The following TENM3 variants were observed in gnomAD, a reference collection of about 807,000 sequenced individuals.
TENM3 encodes the protein teneurin transmembrane protein 3.
In TENM3, 63 loss-of-function variants were observed where a neutral mutation model predicts 255.1. The observed-to-expected ratio is 0.25, with a 90% confidence interval of 0.20 to 0.30. The LOEUF is 0.30. Among genes scored for constraint, TENM3 ranks in the 10% least tolerant of loss-of-function variants. TENM3 has a pLI of 1.00. For synonymous variants in TENM3, 1,306 were observed against 1,322.3 expected (o/e 0.99, Z 0.27); for missense variants, 2,929 against 3,461.1 (o/e 0.85, Z 3.86).
the TENM3 span, among the ~76,000 whole-genome samples, chr4:181,518,390 C>T: frequency 5.3e-5 from 8 of 151,656 alleles, no homozygotes; most frequent in South Asian, 2.1e-4. Context: ...TCTTAGGTTT[C>T]GATAGGACTT....
the TENM3 span, among the ~76,000 whole-genome samples, chr4:181,583,779 C>T: frequency 5.9e-5 from 9 of 152,214 alleles, no homozygotes; most frequent in African/African-American, 2.2e-4. Context: ...TTCAGACACA[C>T]ACAAACTCCT....
chr4:182,165,013 C>G (rs1428847067), intron 1 of TENM3, among the ~76,000 whole-genome samples: 4 of 152,186 alleles, frequency 2.6e-5, no homozygotes, highest in Non-Finnish European at 5.9e-5. Flanking sequence ...GCAGAGAACA[C>G]TAATGCCAGG....
At chr4:181,948,484 C>CA in the TENM3 span, among the ~76,000 whole-genome samples, 1 of 152,224 alleles carries the variant, frequency 6.6e-6, no homozygotes, top group Middle Eastern at 3.4e-3. Context: ...GGTGCGATCT[C>CA]ACCTCACTGC....
At chr4:182,737,901 A>G (rs1761296166) in intron 17 of TENM3, among the ~76,000 whole-genome samples, 1 of 152,098 alleles carries the variant, frequency 6.6e-6, no homozygotes, top group African/African-American at 2.4e-5. Flanking sequence ...TATTACTGCT[A>G]GTTTGTTTAT....
the TENM3 span, among the ~76,000 whole-genome samples, chr4:181,569,766 G>A: frequency 6.6e-6 from 1 of 152,146 alleles, no homozygotes; most frequent in Non-Finnish European, 1.5e-5. Context: ...GAGTCAGCTT[G>A]TATCTATGTT....
the TENM3 span, among the ~76,000 whole-genome samples, chr4:182,040,799 C>T: frequency 3.9e-5 from 6 of 152,114 alleles, no homozygotes; most frequent in Non-Finnish European, 5.9e-5. Context: ...CTAAATCCTC[C>T]ATGGTTTTTT....
chr4:182,730,729 G>A, intron 15 of TENM3, 149 bp from the exon 16 acceptor site: 4 of 931,574 alleles, frequency 4.3e-6, no homozygotes, highest in Non-Finnish European at 6.3e-6. Context: ...TATAACTCTT[G>A]GAATATTCCC....
chr4:182,357,799 A>G (rs1253629596), intron 3 of TENM3, among the ~76,000 whole-genome samples: 1 of 150,532 alleles, frequency 6.6e-6, no homozygotes, highest in Non-Finnish European at 1.5e-5. Flanking sequence ...GCCCATGCCT[A>G]TGTCCTGAAT....
At chr4:182,026,003 G>A in the TENM3 span, among the ~76,000 whole-genome samples, 2 of 152,218 alleles carry the variant, frequency 1.3e-5, no homozygotes, top group South Asian at 4.2e-4. Context: ...AGGCCCTGGT[G>A]TATGATATTC....
chr4:182,036,751 T>C, the TENM3 span, among the ~76,000 whole-genome samples: 2 of 152,344 alleles, frequency 1.3e-5, no homozygotes, highest in South Asian at 2.1e-4. Flanking sequence ...GTTAGTCTAG[T>C]GTTAAAATGG....
intron 24 of TENM3, among the ~76,000 whole-genome samples, chr4:182,784,241 G>A (rs1055857947): frequency 2.0e-5 from 3 of 152,026 alleles, no homozygotes; most frequent in African/African-American, 7.3e-5. Context: ...TGGTGTGGAT[G>A]TCCTTTCTGT....
the TENM3 span, among the ~76,000 whole-genome samples, chr4:181,817,607 T>C: frequency 1.3e-5 from 2 of 152,136 alleles, no homozygotes; most frequent in Non-Finnish European, 2.9e-5. Flanking sequence ...GGTGTGCCCT[T>C]AGGAAAGTGA....
At chr4:181,485,470 G>A in the TENM3 span, among the ~76,000 whole-genome samples, 1 of 137,628 alleles carries the variant, frequency 7.3e-6, no homozygotes, top group Non-Finnish European at 1.5e-5. Context: ...CTAAAGGTAC[G>A]GTAGAAGAAG....
chr4:182,024,185 T>G, the TENM3 span, among the ~76,000 whole-genome samples: 2 of 152,196 alleles, frequency 1.3e-5, no homozygotes, highest in Admixed American at 1.3e-4. Context: ...GAAAAAATAT[T>G]TTTTCTTAAG....
chr4:182,066,617 T>G, the TENM3 span, among the ~76,000 whole-genome samples: 48 of 149,462 alleles, frequency 3.2e-4, no homozygotes, highest in East Asian at 8.8e-3. Context: ...TATATATATA[T>G]ATATAAGCTT....
the TENM3 span, among the ~76,000 whole-genome samples, chr4:181,589,096 T>C: frequency 2.0e-5 from 3 of 151,894 alleles, no homozygotes; most frequent in African/African-American, 7.3e-5. Flanking sequence ...GCTTGTGAAA[T>C]TACCGACTCT....
At chr4:182,387,249 T>TA (rs1454564008) in intron 3 of TENM3, among the ~76,000 whole-genome samples, 2 of 152,208 alleles carry the variant, frequency 1.3e-5, no homozygotes, top group African/African-American at 4.8e-5. Flanking sequence ...ACCCTGTGTT[T>TA]AGCTCAAGCT....
chr4:181,713,897 C>T, the TENM3 span, among the ~76,000 whole-genome samples: 1 of 152,224 alleles, frequency 6.6e-6, no homozygotes, highest in East Asian at 1.9e-4. Context: ...CAGCGTTTCC[C>T]ACAGAATGTC....
chr4:182,790,361 G>A (rs1766005223), intron 25 of TENM3, among the ~76,000 whole-genome samples: 3 of 152,228 alleles, frequency 2.0e-5, no homozygotes, highest in Non-Finnish European at 2.9e-5. Flanking sequence ...TCACATCCAT[G>A]TTGTCACTGT....
Sources: gnomAD v4.1 joint callset for allele counts (sites outside exome capture counted in the v4.1 genomes callset) on GRCh38, gnomAD v4.1.1 for gene constraint, MANE v1.5 for transcripts, NCBI Gene and HGNC (gene_info 2026-07-23, HGNC 2026-07-21) for gene names.